The following LPAR1 variants were observed in gnomAD, a reference collection of about 807,000 sequenced individuals.
The protein encoded by LPAR1 is LPA receptor 1.
LPAR1 carries 5 observed loss-of-function variants against 23.8 expected under a neutral mutation model. That is an observed-to-expected ratio of 0.21 (90% CI 0.11 to 0.44). The LOEUF is 0.44. Ranked by LOEUF, LPAR1 falls within the 20% of genes least tolerant of loss-of-function variation. The pLI is 0.99. For missense variants in LPAR1, 311 were observed against 482.8 expected, an observed-to-expected ratio of 0.64 and a Z score of 3.33; for synonymous variants, 160 against 164.7, an observed-to-expected ratio of 0.97 and a Z score of 0.22.
At chr9:110,909,766 G>GTTTATTTATTTATTT (rs2092114565) in intron 5 of LPAR1, among the ~76,000 whole-genome samples, 1 of 108,702 alleles carries the variant, frequency 9.2e-6, no homozygotes, top group African/African-American at 4.1e-5. Context: ...TTTATTTAGA[G>GTTTATTTATTTATTT]AGAGGGTCTG....
intron 2 of LPAR1, among the ~76,000 whole-genome samples, chr9:110,975,541 T>C (rs2096537076): frequency 6.6e-6 from 1 of 152,190 alleles, no homozygotes; most frequent in Admixed American, 6.5e-5. Flanking sequence ...ATGCTAAGAT[T>C]CATACTCTTT....
At chr9:110,953,554 T>C (rs1231991517) in intron 4 of LPAR1, among the ~76,000 whole-genome samples, 1 of 151,856 alleles carries the variant, frequency 6.6e-6, no homozygotes. Context: ...TCCCAACTAC[T>C]TGGGAGGCTG....
intron 5 of LPAR1, among the ~76,000 whole-genome samples, chr9:110,887,595 TTAAAG>T (rs1344720383): frequency 6.6e-6 from 1 of 152,200 alleles, no homozygotes; most frequent in East Asian, 1.9e-4. Flanking sequence ...AAAAAAATCC[TTAAAG>T]TAAGGTTATA....
intron 2 of LPAR1, among the ~76,000 whole-genome samples, chr9:110,989,691 G>A (rs1385586798): frequency 6.6e-6 from 1 of 152,006 alleles, no homozygotes; most frequent in Non-Finnish European, 1.5e-5. Flanking sequence ...TAGAACAAAT[G>A]TGACAATAGA....
chr9:110,879,712 A>G (rs1010755412), intron 5 of LPAR1, among the ~76,000 whole-genome samples: 7 of 152,244 alleles, frequency 4.6e-5, no homozygotes, highest in African/African-American at 1.7e-4. Flanking sequence ...ACAGAGTGGA[A>G]GAAGAAAATA....
At chr9:110,988,298 AG>A (rs1250443618) in intron 2 of LPAR1, among the ~76,000 whole-genome samples, 2 of 152,086 alleles carry the variant, frequency 1.3e-5, no homozygotes, top group Non-Finnish European at 2.9e-5. Context: ...AAAGAAATGA[AG>A]GATACCAAAA....
At chr9:111,013,247 G>A (rs767582548) in intron 2 of LPAR1, among the ~76,000 whole-genome samples, 2 of 152,014 alleles carry the variant, frequency 1.3e-5, no homozygotes, top group South Asian at 2.1e-4. Context: ...AAATACACAC[G>A]CAAACTACAG....
chr9:110,895,496 G>T (rs927964189), intron 5 of LPAR1, among the ~76,000 whole-genome samples: 2 of 152,218 alleles, frequency 1.3e-5, no homozygotes, highest in African/African-American at 4.8e-5. Context: ...GAAACTAGGG[G>T]AGACCCACTT....
intron 4 of LPAR1, among the ~76,000 whole-genome samples, chr9:110,970,334 C>T (rs2138093776): frequency 6.6e-6 from 1 of 152,220 alleles, no homozygotes; most frequent in Middle Eastern, 3.4e-3. Context: ...CCTCAGGTAA[C>T]AGGCACTAAA....
In LPAR1 at chr9:110,880,372, C is replaced by T. The variant is rs146782015; in HGVS notation, c.794-4650G>A. On this transcript the variant is annotated intron_variant, in intron 5 of 5. Transcript: ENST00000683809. ...ACACCTTCCCTCAAATCTATCCAAC[C>T]TCATCAGCTGAATAATGCTTACCAT... Among the ~76,000 whole-genome samples, 1,227 of 152,264 alleles carry T rather than the reference C, an allele frequency of 8.1e-3. 18 individuals carry two copies. Among genetic ancestry groups the T allele is most frequent in the South Asian group, 0.034 (165 of 4,820 alleles).
At chr9:110,955,682 A>G (rs1235875330) in intron 4 of LPAR1, among the ~76,000 whole-genome samples, 1 of 151,640 alleles carries the variant, frequency 6.6e-6, no homozygotes, top group African/African-American at 2.4e-5. Flanking sequence ...AAATTTAAAT[A>G]AAAATCATAC....
chr9:111,035,411 A>G (rs2097875542), intron 2 of LPAR1, among the ~76,000 whole-genome samples: 1 of 152,052 alleles, frequency 6.6e-6, no homozygotes, highest in African/African-American at 2.4e-5. Flanking sequence ...TTTTATAGAG[A>G]CAGAGTCTCA....
At chr9:111,038,823 C>T (rs982319953), upstream of LPAR1, 123 of 323,940 alleles carry the variant, frequency 3.8e-4, no homozygotes, top group Non-Finnish European at 6.9e-4. This position sits in a 1 kb window ranked among gnomAD's most constrained non-coding sequence, Gnocchi z 4.4. Flanking sequence ...CAGCGGGAGA[C>T]CCGTGGCCGC....
chr9:110,916,922 TA>T (rs2093175132), intron 5 of LPAR1, among the ~76,000 whole-genome samples: 1 of 151,606 alleles, frequency 6.6e-6, no homozygotes. Flanking sequence ...TTTTTTTTTT[TA>T]AGGTTGTTGA....
At chr9:110,893,397 T>A (rs2085183250) in intron 5 of LPAR1, among the ~76,000 whole-genome samples, 1 of 152,180 alleles carries the variant, frequency 6.6e-6, no homozygotes, top group Admixed American at 6.5e-5. Flanking sequence ...TTAAGCAGAT[T>A]GGCACTGCTC....
At chr9:110,961,908 G>A (rs189426993) in intron 4 of LPAR1, among the ~76,000 whole-genome samples, 11 of 152,244 alleles carry the variant, frequency 7.2e-5, no homozygotes, top group Admixed American at 2.6e-4. Context: ...TGGGAGCTAC[G>A]ATTCAGGATA....
At chr9:110,936,838 G>C (rs1008279473) in intron 5 of LPAR1, among the ~76,000 whole-genome samples, 4 of 152,082 alleles carry the variant, frequency 2.6e-5, no homozygotes, top group Non-Finnish European at 5.9e-5. Flanking sequence ...AAGTATCCTG[G>C]ACAGAAGTGT....
intron 2 of LPAR1, among the ~76,000 whole-genome samples, chr9:110,980,571 G>A (rs1435867619): frequency 2.0e-5 from 3 of 151,700 alleles, no homozygotes; most frequent in African/African-American, 7.3e-5. Context: ...AGCTAAAAAA[G>A]TTGATCCCAC....
intron 2 of LPAR1, among the ~76,000 whole-genome samples, chr9:111,025,742 T>G (rs964072275): frequency 6.6e-6 from 1 of 152,186 alleles, no homozygotes; most frequent in African/African-American, 2.4e-5. Flanking sequence ...AAGGAAGGGG[T>G]CCAGTTTCAC....
Sources: gnomAD v4.1 joint callset for allele counts (sites outside exome capture counted in the v4.1 genomes callset) on GRCh38, gnomAD v4.1.1 for gene constraint, Gnocchi (gnomAD v3.1) non-coding constraint, MANE v1.5 for transcripts, NCBI Gene and HGNC (gene_info 2026-07-23, HGNC 2026-07-21) for gene names.